The following EPHB2 variants were observed in gnomAD, a reference collection of about 807,000 sequenced individuals.
The protein encoded by EPHB2 is ephrin type-B receptor 2.
EPHB2 carries 18 observed loss-of-function variants against 96.4 expected under a neutral mutation model. The observed-to-expected ratio is 0.19, with a 90% CI of 0.13 to 0.28. The LOEUF (loss-of-function observed/expected upper bound fraction) is 0.28. EPHB2 is among the 10% of genes least tolerant of loss of function. EPHB2 has a pLI of 1.00. For synonymous variants in EPHB2, 506 were observed against 534.1 expected, an observed-to-expected ratio of 0.95 and a Z score of 0.72; for missense variants, 989 against 1,355.4, an observed-to-expected ratio of 0.73 and a Z score of 4.25.
chr1:22,741,693 AAAAC>A lies in EPHB2; in HGVS notation c.61+30654_61+30657del, dbSNP rs1643906244. On this transcript the variant is annotated intron_variant, in intron 1 of 15. Transcript: ENST00000374630. ...TTTCTTCCCAGCAAAAAAAAACAAA[AAAAC>A]AAAAAACCTCAGTTTCTCACGTTGG... Among the ~76,000 whole-genome samples, 29 of 149,418 alleles carry A rather than the reference AAAAC, an allele frequency of 1.9e-4. No individual in the cohort carries two copies. The South Asian group carries it at 5.7e-3, about 29-fold the overall frequency.
intron 1 of EPHB2, among the ~76,000 whole-genome samples, chr1:22,746,833 A>G (rs1202290111): frequency 1.3e-5 from 2 of 152,156 alleles, no homozygotes; most frequent in Non-Finnish European, 2.9e-5. Flanking sequence ...CTGAGGCCAC[A>G]TCCACACACT....
At chr1:22,864,667 A>G (rs1638404700) in intron 4 of EPHB2, among the ~76,000 whole-genome samples, 1 of 152,230 alleles carries the variant, frequency 6.6e-6, no homozygotes. Context: ...AACACTGAGC[A>G]GTTTGTAAGC....
intron 1 of EPHB2, among the ~76,000 whole-genome samples, chr1:22,732,510 C>T (rs1302189502): frequency 6.6e-6 from 1 of 152,204 alleles, no homozygotes; most frequent in Non-Finnish European, 1.5e-5. Flanking sequence ...TTCCATATGA[C>T]CTCATTTCAT....
intron 1 of EPHB2, among the ~76,000 whole-genome samples, chr1:22,781,007 A>G (rs955583446): frequency 1.2e-4 from 18 of 152,032 alleles, no homozygotes; most frequent in African/African-American, 4.1e-4. Context: ...GGCTCTCAGT[A>G]AAGAAGGATG....
intron 6 of EPHB2, among the ~76,000 whole-genome samples, chr1:22,887,474 C>T (rs1226620839): frequency 2.0e-5 from 3 of 152,234 alleles, no homozygotes; most frequent in South Asian, 2.1e-4. Flanking sequence ...CCACTCCTTT[C>T]CTTCTTCAGA....
intron 1 of EPHB2, among the ~76,000 whole-genome samples, chr1:22,734,718 G>A (rs1180214923): frequency 6.6e-6 from 1 of 152,086 alleles, no homozygotes; most frequent in African/African-American, 2.4e-5. Context: ...TACCACTCCC[G>A]GCCTGAATGT....
In EPHB2 at chr1:22,863,171, C is replaced by G; in HGVS notation, c.946C>G (p.Pro316Ala). 6.2e-7 allele frequency: 1 copy of G among 1,614,190 alleles called. No individual in the cohort carries two copies. The highest frequency in any genetic ancestry group is 8.5e-7 in the Non-Finnish European group (1 of 1,180,046). Residue 316 changes from proline (P) to alanine (A), a missense_variant, in exon 4 of 16, where the codon CCC (proline) becomes GCC (alanine). Transcript: ENST00000374630. ...TGGCTACTACAGAGCAGACCTGGAC[C>G]CCCTGGACATGCCCTGCACAAGTAA... is the stretch of plus-strand genomic sequence containing the variant. ...RNGYYRADLD[P>A]LDMPCTTIPS...
chr1:22,798,460 A>AT lies in EPHB2; in HGVS notation c.811+13397dup, dbSNP rs796455015. 4.6e-3 allele frequency among the ~76,000 whole-genome samples: 662 copies of AT among 143,098 alleles called. 3 individuals carry two copies. The highest frequency in any genetic ancestry group is 0.011 in the African/African-American group (432 of 39,344). The allele number at this position is 143,098 out of a possible 152,430, so 93.9% of individuals were successfully genotyped here. On this transcript the variant is annotated intron_variant, in intron 3 of 15. Coordinates refer to ENST00000374630, the MANE Select transcript of EPHB2 (RefSeq NM_017449.5). ...TAGAGAGCATTTTTCAGTCTTACCC[A>AT]TTTTTTTTTTTTTAACATAAACCAC...
At chr1:22,771,628 C>A (rs1009121614) in intron 1 of EPHB2, among the ~76,000 whole-genome samples, 2 of 152,154 alleles carry the variant, frequency 1.3e-5, no homozygotes, top group African/African-American at 2.4e-5. Context: ...GTAAAATGGC[C>A]CTGACAATTG....
intron 1 of EPHB2, among the ~76,000 whole-genome samples, chr1:22,764,132 G>A (rs1644273514): frequency 1.3e-5 from 2 of 152,156 alleles, no homozygotes; most frequent in Admixed American, 6.5e-5. Context: ...CCATCTCTTG[G>A]GGGACATTAT....
chr1:22,791,771 T>C (rs1409754682), intron 3 of EPHB2, among the ~76,000 whole-genome samples: 1 of 152,200 alleles, frequency 6.6e-6, no homozygotes, highest in Admixed American at 6.5e-5. Context: ...GCTTGCAGTA[T>C]TTCACTATCT....
At chr1:22,864,748 G>T in intron 4 of EPHB2, 129 bp from the exon 5 acceptor site, 1 of 624,862 alleles carries the variant, frequency 1.6e-6, no homozygotes. Flanking sequence ...TCTCTGGTGG[G>T]GAGACAGGAC....
chr1:22,802,618 G>A (rs374517865), intron 3 of EPHB2, among the ~76,000 whole-genome samples: 4 of 152,068 alleles, frequency 2.6e-5, no homozygotes, highest in South Asian at 4.2e-4. Flanking sequence ...AGGGTAGTCC[G>A]TAGCAGAGAT....
At chr1:22,763,483 G>A (rs1644263638) in intron 1 of EPHB2, among the ~76,000 whole-genome samples, 1 of 152,070 alleles carries the variant, frequency 6.6e-6, no homozygotes, top group Admixed American at 6.5e-5. Flanking sequence ...ACACGGTGGA[G>A]GTGGGGTGGC....
Position 22,912,598 on chromosome 1 carries a change from G to A in EPHB2, c.2851G>A (p.Glu951Lys), listed in dbSNP as rs748566440. 4 of 1,613,660 alleles carry A rather than the reference G, an allele frequency of 2.5e-6. No individual in the cohort carries two copies. The East Asian group carries it at 8.9e-5, about 36-fold the overall frequency. Residue 951 changes from glutamate (E) to lysine (K), a missense_variant and splice_region_variant, in exon 15 of 16, where the codon GAG becomes AAG. Glu to Lys is a moderately conservative substitution (Grantham distance 56, BLOSUM62 1). Coordinates refer to ENST00000374630, the MANE Select transcript of EPHB2 (RefSeq NM_017449.5). Reference protein sequence around the residue: ...SFDVVSQMMMEDILRVGVTLA... With the variant: ...SFDVVSQMMMKDILRVGVTLA... ...TGACGTCGTGTCTCAGATGATGATG[G>A]AGTAAGTGCCCAGCCACTTCTGCTT...
intron 5 of EPHB2, among the ~76,000 whole-genome samples, chr1:22,880,234 G>A (rs1396518459): frequency 6.6e-6 from 1 of 152,160 alleles, no homozygotes; most frequent in Non-Finnish European, 1.5e-5. Context: ...CAGACACAGA[G>A]CAGGAAATGG....
intron 6 of EPHB2, among the ~76,000 whole-genome samples, chr1:22,886,039 A>G (rs1328329082): frequency 6.6e-6 from 1 of 152,164 alleles, no homozygotes; most frequent in African/African-American, 2.4e-5. Context: ...AGGGAGAAAG[A>G]GTCAGACACT....
intron 1 of EPHB2, among the ~76,000 whole-genome samples, chr1:22,757,519 T>G (rs1446248916): frequency 6.6e-6 from 1 of 152,204 alleles, no homozygotes; most frequent in Non-Finnish European, 1.5e-5. Context: ...GAGCATATTT[T>G]GTCATCCTGA....
At chr1:22,741,098 A>G (rs903410216) in intron 1 of EPHB2, among the ~76,000 whole-genome samples, 29 of 151,960 alleles carry the variant, frequency 1.9e-4, no homozygotes, top group East Asian at 7.8e-4. Context: ...CCGTTTTCCT[A>G]TGGGGCACTG....
Sources: allele counts gnomAD v4.1 joint callset (sites outside exome capture counted in the v4.1 genomes callset), GRCh38; gene constraint gnomAD v4.1.1; transcripts MANE v1.5; gene names NCBI Gene and HGNC (gene_info 2026-07-23, HGNC 2026-07-21).